The following GLT8D1 variants were observed in gnomAD, a reference collection of about 807,000 sequenced individuals.
GLT8D1 encodes the protein glycosyltransferase 8 domain containing 1.
A neutral mutation model predicts 46.2 loss-of-function variants in GLT8D1; 41 were observed. The observed-to-expected ratio is 0.89, with a 90% CI of 0.69 to 1.15. GLT8D1 has a LOEUF of 1.15. Among genes scored for constraint, GLT8D1 ranks in the 50% most tolerant of loss-of-function variants. GLT8D1 has a pLI of 0.00. For synonymous variants in GLT8D1, 150 were observed against 154.2 expected, an observed-to-expected ratio of 0.97 and a Z score of 0.20; for missense variants, 408 against 449.3, an observed-to-expected ratio of 0.91 and a Z score of 0.83.
intron 6 of GLT8D1, 51 bp from the exon 7 acceptor site, chr3:52,696,091 C>T (rs777976926): frequency 1.6e-6 from 2 of 1,255,794 alleles, no homozygotes; most frequent in Non-Finnish European, 2.3e-6. Flanking sequence ...TTGAGAGTTC[C>T]CTGTTACTCC....
chr3:52,696,115 G>A, intron 6 of GLT8D1, 75 bp from the exon 7 acceptor site: 2 of 1,169,432 alleles, frequency 1.7e-6, no homozygotes, highest in Non-Finnish European at 1.3e-6. Context: ...TTCTCCCTAT[G>A]GTGACCTTTT....
At position 52,705,625 on chromosome 3, in the gene GLT8D1, G is replaced by A. The variant is rs1356085632; in HGVS notation, c.-215C>T. ...CCCCGACCCGCCCTGCCAGCTCAGCGCCCGCGCCGCAGGCCCCGGAGCCCA... is the reference window on the plus strand; with the variant it reads ...CCCCGACCCGCCCTGCCAGCTCAGCACCCGCGCCGCAGGCCCCGGAGCCCA... On this transcript the variant is annotated 5_prime_UTR_variant, in exon 1 of 10. Transcript: ENST00000266014. 1 of 178,048 alleles carries A rather than the reference G, an allele frequency of 5.6e-6. No individual in the cohort carries two copies. The allele number at this position is 178,048 out of a possible 1,614,324, so 11.0% of individuals were successfully genotyped here.
intron 3 of GLT8D1, among the ~76,000 whole-genome samples, chr3:52,698,164 G>GTACC (rs2097335844): frequency 6.6e-6 from 1 of 152,156 alleles, no homozygotes; most frequent in South Asian, 2.1e-4. Flanking sequence ...CTACTGGTAG[G>GTACC]AAAATAACAG....
At chr3:52,695,359 A>C in intron 8 of GLT8D1, 57 bp from the exon 9 acceptor site, 1 of 1,578,040 alleles carries the variant, frequency 6.3e-7, no homozygotes, top group Non-Finnish European at 8.7e-7. Flanking sequence ...AACTCCTGTT[A>C]GTCAAGACTC....
intron 3 of GLT8D1, 47 bp from the exon 4 acceptor site, chr3:52,697,981 G>C (rs1553912330): frequency 8.7e-7 from 1 of 1,147,550 alleles, no homozygotes; most frequent in Non-Finnish European, 1.3e-6. Context: ...ATGGGCTTTT[G>C]ATATAGAGTC....
At chr3:52,695,366 ACT>A in intron 8 of GLT8D1, 53 bp downstream of exon 8, 1 of 1,582,986 alleles carries the variant, frequency 6.3e-7, no homozygotes, top group Non-Finnish European at 8.7e-7. Flanking sequence ...GTTAGTCAAG[ACT>A]CTAGGAATTG....
In GLT8D1 at chr3:52,695,417, T is replaced by C; in HGVS notation, c.812+4A>G. 1.2e-6 allele frequency: 2 copies of C among 1,612,648 alleles called. No homozygotes were observed. The highest frequency in any genetic ancestry group is 1.7e-5 in the Admixed American group (1 of 59,982). ...TTTCACAGCTAGGCCAGTTACATAC[T>C]TACTCTACATTGAGTTTCATCCATT... On this transcript the variant is annotated splice_donor_region_variant and intron_variant, in intron 8 of 9. Coordinates refer to ENST00000266014, the MANE Select transcript of GLT8D1 (RefSeq NM_018446.4).
rs191533148 is a variant in GLT8D1 at position 52,694,673 on chromosome 3, C to T, written c.*172G>A. On this transcript the variant is annotated 3_prime_UTR_variant, in exon 10 of 10. Coordinates refer to ENST00000266014, the MANE Select transcript of GLT8D1 (RefSeq NM_018446.4). Reference sequence around the variant, plus strand: ...TGGAGACATATTTATAGTCTATAGTCTGTCTGGGAAGCTGACTGCCAGACA... The same window carrying T: ...TGGAGACATATTTATAGTCTATAGTTTGTCTGGGAAGCTGACTGCCAGACA... 1 of 659,500 alleles carries T rather than the reference C, an allele frequency of 1.5e-6. No homozygotes were observed. The highest frequency in any genetic ancestry group is 2.8e-6 in the Non-Finnish European group (1 of 362,958). The allele number at this position is 659,500 out of a possible 1,614,324, so 40.9% of individuals were successfully genotyped here.
At chr3:52,698,320 T>G (rs559681852) in intron 3 of GLT8D1, among the ~76,000 whole-genome samples, 1 of 152,180 alleles carries the variant, frequency 6.6e-6, no homozygotes, top group African/African-American at 2.4e-5. Flanking sequence ...GAATCACAAG[T>G]AGGCATGAAA....
Position 52,696,666 on chromosome 3 carries a change from A to T in GLT8D1, c.330-7T>A. On this transcript the variant is annotated splice_polypyrimidine_tract_variant and splice_region_variant and intron_variant, in intron 4 of 9. Transcript: ENST00000266014. ...ATCACTGTTGAGCCAGGACCTGATGAAGATAAAACACTACATTTTAGTTTC... is the reference window on the plus strand; with the variant it reads ...ATCACTGTTGAGCCAGGACCTGATGTAGATAAAACACTACATTTTAGTTTC... 7.0e-7 allele frequency: 1 copy of T among 1,426,434 alleles called. No individual in the cohort carries two copies. Among genetic ancestry groups the T allele is most frequent in the Non-Finnish European group, 9.9e-7 (1 of 1,009,652 alleles). 88.4% of individuals were successfully genotyped at this position (1,426,434 alleles called of 1,614,324 possible).
intron 1 of GLT8D1, among the ~76,000 whole-genome samples, chr3:52,704,458 C>CAAAA (rs60851820): frequency 5.6e-5 from 3 of 53,578 alleles, no homozygotes; most frequent in East Asian, 6.9e-4. Flanking sequence ...GTCTTCGCCT[C>CAAAA]AAAAAAAAAA....
Position 52,697,872 on chromosome 3 carries a change from C to T in GLT8D1, c.178G>A (p.Asp60Asn), listed in dbSNP as rs1214034686. 6.2e-7 allele frequency: 1 copy of T among 1,613,734 alleles called. No homozygotes were observed. Among genetic ancestry groups the T allele is most frequent in the African/African-American group, 1.3e-5 (1 of 74,918 alleles). Residue 60 changes from aspartate (D) to asparagine (N), a missense_variant, in exon 4 of 10, where the codon GAT (aspartate) becomes AAT (asparagine). Coordinates refer to ENST00000266014, the MANE Select transcript of GLT8D1 (RefSeq NM_018446.4). ...ACAGGAATCTCCTCTTGTCTCCCAT[C>T]TACTGCATGTCGGAGAGCATTTGGG... Reference protein sequence around the residue: ...FVPNALRHAVDGRQEEIPVVI... With the variant: ...FVPNALRHAVNGRQEEIPVVI...
In GLT8D1 at chr3:52,694,934, T is replaced by A. The variant is rs780328451; in HGVS notation, c.1027A>T (p.Thr343Ser). 3.7e-6 allele frequency: 6 copies of A among 1,609,694 alleles called. No individual in the cohort carries two copies. The Admixed American group carries it at 6.7e-5, about 18-fold the overall frequency. The stretch of plus-strand genomic sequence containing the variant: ...ATATACCATTTTTCCCAAACATCAG[T>A]ATATGAAGCAGTCCTTCCCCATGGC... ...LKPWGRTASY[T>S]DVWEKWYIPD... Residue 343 changes from threonine to serine, a missense_variant, in exon 10 of 10, where the codon ACT becomes TCT. Thr to Ser is a moderately conservative substitution (Grantham distance 58). Coordinates refer to ENST00000266014, the MANE Select transcript of GLT8D1 (RefSeq NM_018446.4).
intron 4 of GLT8D1, 58 bp from the exon 5 acceptor site, chr3:52,696,717 GAAT>G: frequency 1.0e-6 from 1 of 952,566 alleles, no homozygotes; most frequent in South Asian, 1.4e-5. Context: ...ACCAATGAGG[GAAT>G]AATGCAAAAG....
chr3:52,705,715 T>TG lies in GLT8D1; in HGVS notation c.-306dup, dbSNP rs1255401664. On this transcript the variant is annotated 5_prime_UTR_variant, in exon 1 of 10. Coordinates refer to ENST00000266014, the MANE Select transcript of GLT8D1 (RefSeq NM_018446.4). ...CGAGCACACTTGCCCTCTAGCTCCG[T>TG]GGCAGCCGCGCAGCCCCACTACGCC... 9 of 593,028 alleles carry TG rather than the reference T, an allele frequency of 1.5e-5. No individual in the cohort carries two copies. The highest frequency in any genetic ancestry group is 1.0e-4 in the Admixed American group (2 of 19,304). 36.7% of individuals were successfully genotyped at this position (593,028 alleles called of 1,614,324 possible).
At chr3:52,701,299 T>C (rs2097339149) in intron 1 of GLT8D1, 1 of 147,150 alleles carries the variant, frequency 6.8e-6, no homozygotes, top group African/African-American at 2.5e-5. Flanking sequence ...ATTCACAAAA[T>C]CCAATCGATA....
At position 52,695,556 on chromosome 3, in the gene GLT8D1, T is replaced by C. The variant is rs1480351701; in HGVS notation, c.677A>G (p.Lys226Arg). Reference sequence around the variant, plus strand: ...CATGGAAAGCTTACGAATTCTTTCCTTTTTATAGTCAAGATAGCCAATGTA... The same window carrying C: ...CATGGAAAGCTTACGAATTCTTTCCCTTTTATAGTCAAGATAGCCAATGTA... Reference protein sequence around the residue: ...YNYIGYLDYKKERIRKLSMKA... With the variant: ...YNYIGYLDYKRERIRKLSMKA... Residue 226 changes from lysine to arginine, a missense_variant, in exon 8 of 10, where the codon AAG becomes AGG. Lys to Arg is a conservative substitution (Grantham distance 26). Transcript: ENST00000266014. The C allele has an allele frequency of 1.2e-6, 2 of 1,608,274 alleles. No individual in the cohort carries two copies. The highest frequency in any genetic ancestry group is 1.7e-5 in the Admixed American group (1 of 59,984).
chr3:52,694,810 C>T lies in GLT8D1; in HGVS notation c.*35G>A. The stretch of plus-strand genomic sequence containing the variant: ...CCACGCATGCTATCTTCCAGGACTT[C>T]CTGAGAAATGCTTGCTTACAGTTCA... On this transcript the variant is annotated 3_prime_UTR_variant, in exon 10 of 10. Transcript: ENST00000266014. 2 of 1,456,006 alleles carry T rather than the reference C, an allele frequency of 1.4e-6. No individual in the cohort carries two copies. The highest frequency in any genetic ancestry group is 2.3e-5 in the South Asian group (2 of 87,868). The allele number at this position is 1,456,006 out of a possible 1,614,324, so 90.2% of individuals were successfully genotyped here.
intron 4 of GLT8D1, 57 bp from the exon 5 acceptor site, chr3:52,696,716 G>A: frequency 1.0e-6 from 1 of 954,790 alleles, no homozygotes; most frequent in Non-Finnish European, 1.7e-6. Context: ...AACCAATGAG[G>A]GAATAATGCA....
Sources: allele counts gnomAD v4.1 joint callset (sites outside exome capture counted in the v4.1 genomes callset), GRCh38; gene constraint gnomAD v4.1.1; transcripts MANE v1.5; gene names NCBI Gene and HGNC (gene_info 2026-07-23, HGNC 2026-07-21).